The following NRG3 variants were observed in gnomAD, a reference collection of about 807,000 sequenced individuals.
NRG3 encodes neuregulin 3.
A neutral mutation model predicts 66.9 loss-of-function variants in NRG3; 31 were observed. The ratio of observed to expected loss-of-function variants is 0.46; its 90% CI spans 0.35 to 0.63. The LOEUF (loss-of-function observed/expected upper bound fraction) is 0.63. Among genes scored for constraint, NRG3 ranks in the 20% least tolerant of loss-of-function variants. The pLI is 0.00. For synonymous variants in NRG3, 393 were observed against 359.4 expected (o/e 1.09, Z -1.06); for missense variants, 910 against 878.9 (o/e 1.04, Z -0.45).
At position 82,591,638 on chromosome 10, in the gene NRG3, A is replaced by G. The variant is rs556276635; in HGVS notation, c.954-146939A>G. On this transcript the variant is annotated intron_variant, in intron 2 of 8. Coordinates refer to ENST00000372141, the MANE Select transcript of NRG3 (RefSeq NM_001010848.4). Reference sequence around the variant, plus strand: ...CTTGCGTCAACACTGTTAAATAAATAATCTTAGCCTTATGTTTAAAATTAG... The same window carrying G: ...CTTGCGTCAACACTGTTAAATAAATGATCTTAGCCTTATGTTTAAAATTAG... Among the ~76,000 whole-genome samples, 12 of 152,320 alleles carry G rather than the reference A, an allele frequency of 7.9e-5. No individual in the cohort carries two copies. In the South Asian group the frequency reaches 2.5e-3, roughly 32 times the overall value.
At chr10:82,064,390 A>G (rs2064331375) in intron 1 of NRG3, among the ~76,000 whole-genome samples, 1 of 151,690 alleles carries the variant, frequency 6.6e-6, no homozygotes, top group African/African-American at 2.4e-5. Flanking sequence ...TATATTTATT[A>G]TAAAACAATA....
At chr10:82,302,972 C>T (rs1302871200) in intron 1 of NRG3, among the ~76,000 whole-genome samples, 2 of 152,094 alleles carry the variant, frequency 1.3e-5, no homozygotes, top group African/African-American at 4.8e-5. Flanking sequence ...AAACATGTGG[C>T]CTCCAGTATC....
intron 1 of NRG3, among the ~76,000 whole-genome samples, chr10:81,996,967 T>C (rs1299107349): frequency 6.6e-6 from 1 of 152,210 alleles, no homozygotes; most frequent in Non-Finnish European, 1.5e-5. Context: ...TTATTCTTCC[T>C]TGAAAGTCAT....
At chr10:82,639,354 A>G (rs1017471177) in intron 2 of NRG3, among the ~76,000 whole-genome samples, 6 of 152,162 alleles carry the variant, frequency 3.9e-5, no homozygotes, top group African/African-American at 1.2e-4. Context: ...CAGAGCTTTC[A>G]TGACCTAATC....
chr10:82,109,573 GTGTGTA>G (rs772720342), intron 1 of NRG3, among the ~76,000 whole-genome samples: 7,735 of 131,778 alleles, frequency 0.059, 206 homozygotes, highest in African/African-American at 0.081. Context: ...GTGTGTGTGT[GTGTGTA>G]TATATATATT....
intron 1 of NRG3, among the ~76,000 whole-genome samples, chr10:81,885,160 C>T: frequency 6.6e-6 from 1 of 152,124 alleles, no homozygotes; most frequent in East Asian, 1.9e-4. Context: ...GTAACAATGA[C>T]AGAAAACAGT....
intron 2 of NRG3, among the ~76,000 whole-genome samples, chr10:82,426,197 C>T (rs2089427652): frequency 6.6e-6 from 1 of 152,098 alleles, no homozygotes; most frequent in African/African-American, 2.4e-5. Context: ...GGTTTTTCTC[C>T]CATCTTCACT....
intron 2 of NRG3, among the ~76,000 whole-genome samples, chr10:82,735,765 G>A (rs2058124964): frequency 6.6e-6 from 1 of 152,134 alleles, no homozygotes; most frequent in Admixed American, 6.5e-5. Context: ...GGGGGTGGGT[G>A]GCTAGGGGAG....
chr10:82,630,154 A>G (rs958702220), intron 2 of NRG3, among the ~76,000 whole-genome samples: 1 of 152,124 alleles, frequency 6.6e-6, no homozygotes. Context: ...TCCAGTGCAC[A>G]CCTCAAGAAA....
At chr10:82,318,305 A>G (rs1447815829) in intron 1 of NRG3, among the ~76,000 whole-genome samples, 1 of 152,040 alleles carries the variant, frequency 6.6e-6, no homozygotes, top group Non-Finnish European at 1.5e-5. Context: ...GACCCTTCCC[A>G]TTGGCTTAAT....
intron 4 of NRG3, among the ~76,000 whole-genome samples, chr10:82,948,385 G>A (rs1402831525): frequency 2.6e-5 from 4 of 152,034 alleles, no homozygotes; most frequent in Admixed American, 2.6e-4. Flanking sequence ...CTACAGGAAC[G>A]TTGTTTTGGC....
rs1223842763 is a variant in NRG3, at chr10:82,986,450, G to C, written c.*845G>C. On this transcript the variant is annotated 3_prime_UTR_variant, in exon 9 of 9. Coordinates refer to ENST00000372141, the MANE Select transcript of NRG3 (RefSeq NM_001010848.4). ...TGCTGTAAGCACATGTGTTCATTGT[G>C]CGTATGTGTGTGCATGTGTGCGCGT... 1 of 152,198 alleles carries C rather than the reference G, an allele frequency of 6.6e-6. No homozygotes were observed. Among genetic ancestry groups the C allele is most frequent in the Non-Finnish European group, 1.5e-5 (1 of 68,042 alleles). The allele number at this position is 152,198 out of a possible 1,614,324, so 9.4% of individuals were successfully genotyped here. A position where few individuals can be genotyped will look rare whatever the true frequency, so the allele number is the denominator to read the frequency against.
chr10:82,105,689 C>T (rs537151708), intron 1 of NRG3, among the ~76,000 whole-genome samples: 15 of 152,186 alleles, frequency 9.9e-5, no homozygotes, highest in Admixed American at 7.9e-4. Flanking sequence ...TTTTTCTTCT[C>T]TCTGTTTCAC....
At chr10:82,754,660 C>T (rs1196476684) in intron 3 of NRG3, among the ~76,000 whole-genome samples, 2 of 152,034 alleles carry the variant, frequency 1.3e-5, no homozygotes, top group Non-Finnish European at 2.9e-5. Flanking sequence ...CAAGCCTCAA[C>T]CCAATTTAAT....
chr10:82,905,935 T>A (rs927137795), intron 4 of NRG3, among the ~76,000 whole-genome samples: 2 of 152,150 alleles, frequency 1.3e-5, no homozygotes, highest in African/African-American at 4.8e-5. Context: ...CTGAGGGCAA[T>A]GGGATAGGTT....
chr10:82,400,933 A>C (rs1186553545), intron 2 of NRG3, among the ~76,000 whole-genome samples: 1 of 152,098 alleles, frequency 6.6e-6, no homozygotes, highest in Non-Finnish European at 1.5e-5. Flanking sequence ...TCAAAATTGC[A>C]AGTGCATCTT....
chr10:82,683,328 T>A (rs1228422632), intron 2 of NRG3, among the ~76,000 whole-genome samples: 2 of 152,062 alleles, frequency 1.3e-5, no homozygotes, highest in African/African-American at 4.8e-5. Context: ...CCTTCCTCTC[T>A]TTTTCTTCCT....
At chr10:82,978,280 A>G (rs763420027) in intron 7 of NRG3, among the ~76,000 whole-genome samples, 20 of 152,306 alleles carry the variant, frequency 1.3e-4, no homozygotes, top group Non-Finnish European at 2.4e-4. Flanking sequence ...ACCCACTTAC[A>G]TGTTTTGCTC....
intron 4 of NRG3, among the ~76,000 whole-genome samples, chr10:82,890,734 A>C (rs950278294): frequency 2.6e-5 from 4 of 152,196 alleles, no homozygotes; most frequent in African/African-American, 9.7e-5. Context: ...TTGGTTTTCC[A>C]ACATTGTTAA....
Sources: gnomAD v4.1 joint callset for allele counts (sites outside exome capture counted in the v4.1 genomes callset) on GRCh38, gnomAD v4.1.1 for gene constraint, MANE v1.5 for transcripts, NCBI Gene and HGNC (gene_info 2026-07-23, HGNC 2026-07-21) for gene names.